Variants in GALNTL6 observed in about 807,000 individuals in gnomAD.
The protein encoded by GALNTL6 is polypeptide N-acetylgalactosaminyltransferase like 6.
In GALNTL6, 46 loss-of-function variants were observed where a neutral mutation model predicts 73.7. The ratio of observed to expected loss-of-function variants is 0.62; its 90% CI spans 0.49 to 0.80. The LOEUF (loss-of-function observed/expected upper bound fraction) is 0.80, where lower values mean the gene tolerates loss of function less well. GALNTL6 is among the 30% of genes least tolerant of loss of function. The probability of loss-of-function intolerance (pLI) is 0.00; values close to 1 mark genes in which losing one functional copy is unlikely to be tolerated. For missense variants in GALNTL6, 604 were observed against 755.0 expected (o/e 0.80, Z 2.34); for synonymous variants, 259 against 263.7 (o/e 0.98, Z 0.17).
chr4:172,935,361 A>C (rs553594774), intron 9 of GALNTL6, among the ~76,000 whole-genome samples: 1 of 152,186 alleles, frequency 6.6e-6, no homozygotes, highest in Non-Finnish European at 1.5e-5. Flanking sequence ...CTAATATCAA[A>C]ATTAAAATAA....
intron 2 of GALNTL6, among the ~76,000 whole-genome samples, chr4:171,961,704 G>A (rs563245339): frequency 2.0e-5 from 3 of 152,198 alleles, no homozygotes; most frequent in African/African-American, 4.8e-5. Context: ...TTAGGCTAAC[G>A]TGCTTATTCC....
At chr4:172,972,897 AAAAAT>A (rs990557822) in intron 10 of GALNTL6, among the ~76,000 whole-genome samples, 33 of 152,340 alleles carry the variant, frequency 2.2e-4, no homozygotes, top group Non-Finnish European at 4.1e-4. Flanking sequence ...GGAGAGAAAG[AAAAAT>A]AAAATAAAAG....
At chr4:172,973,342 T>C (rs1378071687) in intron 10 of GALNTL6, among the ~76,000 whole-genome samples, 2 of 152,198 alleles carry the variant, frequency 1.3e-5, no homozygotes, top group East Asian at 1.9e-4. Flanking sequence ...ATATTCTTTT[T>C]ATAAAACCAA....
chr4:171,847,590 A>T (rs1578906916), intron 2 of GALNTL6, among the ~76,000 whole-genome samples: 1 of 150,288 alleles, frequency 6.7e-6, no homozygotes, highest in African/African-American at 2.5e-5. Context: ...AGAGGGGTTA[A>T]TTTTCTCAAA....
intron 2 of GALNTL6, among the ~76,000 whole-genome samples, chr4:171,845,881 A>G (rs190864324): frequency 2.2e-4 from 34 of 152,300 alleles, no homozygotes; most frequent in African/African-American, 5.3e-4. Context: ...TATGTAATTC[A>G]TGTCCAATAA....
intron 3 of GALNTL6, among the ~76,000 whole-genome samples, chr4:172,234,147 G>A (rs1737165061): frequency 6.6e-6 from 1 of 151,964 alleles, no homozygotes. Context: ...TTTACCAATA[G>A]TTTATTTTGG....
chr4:172,328,681 G>A (rs1741023887), intron 4 of GALNTL6, among the ~76,000 whole-genome samples: 2 of 152,086 alleles, frequency 1.3e-5, no homozygotes, highest in African/African-American at 4.8e-5. Context: ...GGTTTATTCT[G>A]CTGTTAATAC....
chr4:171,919,460 G>A (rs1191121198), intron 2 of GALNTL6, among the ~76,000 whole-genome samples: 2 of 151,982 alleles, frequency 1.3e-5, no homozygotes, highest in Non-Finnish European at 2.9e-5. Context: ...GGATTATAGA[G>A]CCCCAGTACC....
At chr4:172,734,952 G>A (rs1736370927) in intron 5 of GALNTL6, among the ~76,000 whole-genome samples, 1 of 152,188 alleles carries the variant, frequency 6.6e-6, no homozygotes, top group Non-Finnish European at 1.5e-5. Flanking sequence ...TAAGGTTTGG[G>A]AACCTCTGAC....
At chr4:171,904,648 A>T (rs1712065687) in intron 2 of GALNTL6, among the ~76,000 whole-genome samples, 1 of 152,158 alleles carries the variant, frequency 6.6e-6, no homozygotes, top group South Asian at 2.1e-4. Context: ...AGAGAATGCC[A>T]CAAAGATACT....
At chr4:172,428,740 C>T (rs140672518) in intron 5 of GALNTL6, among the ~76,000 whole-genome samples, 24 of 152,244 alleles carry the variant, frequency 1.6e-4, no homozygotes, top group African/African-American at 3.6e-4. Flanking sequence ...AGAGATAGAA[C>T]CAAAGAATCA....
intron 5 of GALNTL6, among the ~76,000 whole-genome samples, chr4:172,444,934 T>A (rs950675873): frequency 4.6e-5 from 7 of 152,198 alleles, no homozygotes; most frequent in Admixed American, 3.3e-4. Context: ...ATTCTCGATG[T>A]CCTAGAGTCT....
chr4:171,902,006 A>C (rs1282560145), intron 2 of GALNTL6, among the ~76,000 whole-genome samples: 1 of 152,168 alleles, frequency 6.6e-6, no homozygotes, highest in African/African-American at 2.4e-5. Context: ...GATAGTCTTT[A>C]AGATTGTATT....
intron 5 of GALNTL6, among the ~76,000 whole-genome samples, chr4:172,521,520 G>A (rs1013273390): frequency 1.3e-5 from 2 of 152,120 alleles, no homozygotes; most frequent in Non-Finnish European, 2.9e-5. Context: ...ATGAAAGAAG[G>A]TACCCTTTAG....
chr4:172,971,627 G>A (rs1255655334), intron 10 of GALNTL6, among the ~76,000 whole-genome samples: 2 of 152,206 alleles, frequency 1.3e-5, no homozygotes, highest in East Asian at 3.8e-4. Flanking sequence ...GAGGATGGAA[G>A]AAAAGCAGTA....
intron 2 of GALNTL6, among the ~76,000 whole-genome samples, chr4:171,922,535 AT>A (rs60489832): frequency 0.54 from 81,140 of 149,884 alleles, 22,971 homozygotes; most frequent in African/African-American, 0.71. Context: ...TATTGTGTGT[AT>A]TTTTTTTTTT....
intron 5 of GALNTL6, among the ~76,000 whole-genome samples, chr4:172,689,030 AT>A (rs879738235): frequency 4.1e-4 from 62 of 152,192 alleles, no homozygotes; most frequent in Non-Finnish European, 2.9e-4. Context: ...ACCAATTAGA[AT>A]ATTTTGTTTT....
intron 2 of GALNTL6, among the ~76,000 whole-genome samples, chr4:171,948,085 C>T (rs868436420): frequency 3.9e-5 from 6 of 152,092 alleles, no homozygotes; most frequent in Non-Finnish European, 8.8e-5. Context: ...CTTTTATACA[C>T]CACAGCAACA....
At chr4:172,475,699 C>A (rs1733206522) in intron 5 of GALNTL6, among the ~76,000 whole-genome samples, 1 of 152,098 alleles carries the variant, frequency 6.6e-6, no homozygotes, top group African/African-American at 2.4e-5. Context: ...GTTTAGAAAT[C>A]TAGAGAATTT....
Sources: allele counts gnomAD v4.1 joint callset (sites outside exome capture counted in the v4.1 genomes callset), GRCh38; gene constraint gnomAD v4.1.1; transcripts MANE v1.5; gene names NCBI Gene and HGNC (gene_info 2026-07-23, HGNC 2026-07-21).